CAPN1: variants seen among roughly 807,000 people sequenced by gnomAD.
CAPN1 encodes calpain 1.
In CAPN1, 77 loss-of-function variants were observed where a neutral mutation model predicts 105.2. The observed-to-expected ratio is 0.73, with a 90% CI of 0.61 to 0.88. The LOEUF (loss-of-function observed/expected upper bound fraction) is 0.88, where lower values mean the gene tolerates loss of function less well. Ranked by LOEUF, CAPN1 falls within the 40% of genes least tolerant of loss-of-function variation. CAPN1 has a pLI of 0.00. For synonymous variants in CAPN1, 355 were observed against 388.8 expected (o/e 0.91, Z 1.02); for missense variants, 833 against 976.6 (o/e 0.85, Z 1.96).
Position 65,209,301 on chromosome 11 carries a change from T to A in CAPN1, c.1730-22T>A. On this transcript the variant is annotated intron_variant, in intron 16 of 21. Transcript: ENST00000279247. The surrounding 1 kb of genome is among the most constrained non-coding windows in gnomAD (Gnocchi z 4.1). ...GCAGGAAGCTCACTAGGTGGAGATG[T>A]TGGAATTGGTTTTTCTTGCAGACAA... 1 of 1,609,470 alleles carries A rather than the reference T, an allele frequency of 6.2e-7. No individual in the cohort carries two copies. The highest frequency in any genetic ancestry group is 8.5e-7 in the Non-Finnish European group (1 of 1,176,976).
At chr11:65,200,932 CTTTTTTTTTTTT>C (rs56897147) in intron 10 of CAPN1, among the ~76,000 whole-genome samples, 10 of 49,454 alleles carry the variant, frequency 2.0e-4, no homozygotes, top group Admixed American at 2.9e-4. Flanking sequence ...CCATGCCTGG[CTTTTTTTTTTTT>C]TTTTTTTTTT....
chr11:65,204,762 A>C lies in CAPN1; in HGVS notation c.1245A>C (p.Ser415=). The C allele has an allele frequency of 6.2e-7, 1 of 1,613,146 alleles. No individual in the cohort carries two copies. The highest frequency in any genetic ancestry group is 8.5e-7 in the Non-Finnish European group (1 of 1,179,864). ...DDPDDYGDRE[S]GCSFVLALMQ... ...CGGACGACTACGGGGACCGCGAGTC[A>C]GGCTGCAGCTTCGTGCTCGCCCTTA... Residue 415 remains serine (S), a synonymous_variant, in exon 11 of 22, where the codon TCA becomes TCC. Transcript: ENST00000279247.
chr11:65,200,994 G>T lies in CAPN1; in HGVS notation c.1166-3689G>T, dbSNP rs190706233. Among the ~76,000 whole-genome samples, 629 of 137,464 alleles carry T rather than the reference G, an allele frequency of 4.6e-3. 6 individuals carry two copies. Among genetic ancestry groups the T allele is most frequent in the African/African-American group, 0.017 (606 of 35,910 alleles). The allele number at this position is 137,464 out of a possible 152,430, so 90.2% of individuals were successfully genotyped here. A position where few individuals can be genotyped will look rare whatever the true frequency, so the allele number is the denominator to read the frequency against. ...GAGTCTGGCTCTGTCACCCAGGCTG[G>T]AGTGCAGTGGCGCAATCTCAGCTCA... On this transcript the variant is annotated intron_variant, in intron 10 of 21. Transcript: ENST00000279247.
intron 10 of CAPN1, among the ~76,000 whole-genome samples, chr11:65,200,438 A>G (rs1326673661): frequency 2.0e-5 from 3 of 151,744 alleles, no homozygotes; most frequent in African/African-American, 7.3e-5. Context: ...TCTGCTCCCC[A>G]GGTTTAAGCA....
At position 65,188,543 on chromosome 11, in the gene CAPN1, T is replaced by G. The variant is rs1948672513; in HGVS notation, c.1005-43T>G. On this transcript the variant is annotated intron_variant, in intron 9 of 21. Coordinates refer to ENST00000279247, the MANE Select transcript of CAPN1 (RefSeq NM_005186.4). This position sits in a 1 kb window ranked among gnomAD's most constrained non-coding sequence, Gnocchi z 5.5. ...TCTCCACCCCTACACATCAGCTCTGTGCCCTGACGGGCTGTGCCTCACCTG... is the reference window on the plus strand; with the variant it reads ...TCTCCACCCCTACACATCAGCTCTGGGCCCTGACGGGCTGTGCCTCACCTG... 1 of 1,613,462 alleles carries G rather than the reference T, an allele frequency of 6.2e-7. No homozygotes were observed. Among genetic ancestry groups the G allele is most frequent in the African/African-American group, 1.3e-5 (1 of 75,048 alleles).
rs958269565 is a variant in CAPN1, at chr11:65,183,263, A to G, written c.337+66A>G. 9.7e-5 allele frequency: 142 copies of G among 1,467,296 alleles called. 1 individual carries two copies. The Middle Eastern group carries it at 1.0e-3, about 11-fold the overall frequency. The allele number at this position is 1,467,296 out of a possible 1,614,324, so 90.9% of individuals were successfully genotyped here. On this transcript the variant is annotated intron_variant, in intron 3 of 21. Coordinates refer to ENST00000279247, the MANE Select transcript of CAPN1 (RefSeq NM_005186.4). The stretch of plus-strand genomic sequence containing the variant: ...AGTAGTTCCCCATTCCCGCTCCTTC[A>G]GGCTCTGCCCCAACCCCTCCCTCTT...
At chr11:65,198,386 T>C (rs1590858845) in intron 10 of CAPN1, among the ~76,000 whole-genome samples, 1 of 152,080 alleles carries the variant, frequency 6.6e-6, no homozygotes, top group Admixed American at 6.6e-5. Context: ...GCTCAAGCCA[T>C]CCACCTGCCT....
intron 10 of CAPN1, among the ~76,000 whole-genome samples, chr11:65,195,322 C>A (rs956289664): frequency 6.6e-6 from 1 of 151,974 alleles, no homozygotes; most frequent in Non-Finnish European, 1.5e-5. Context: ...ACCCTTCAGA[C>A]CAGCCGTGTT....
chr11:65,186,396 C>T (rs1948634565), intron 6 of CAPN1, 58 bp downstream of exon 6: 1 of 1,487,202 alleles, frequency 6.7e-7, no homozygotes, highest in African/African-American at 1.4e-5. Flanking sequence ...CCTGACCTGT[C>T]ACATTTTCTA....
At position 65,204,748 on chromosome 11, in the gene CAPN1, G is replaced by A; in HGVS notation, c.1231G>A (p.Gly411Arg). ...TGAGACGGATGACCCGGACGACTAC[G>A]GGGACCGCGAGTCAGGCTGCAGCTT... ...LDETDDPDDYGDRESGCSFVL... is the reference protein window; with the variant it reads ...LDETDDPDDYRDRESGCSFVL... Residue 411 changes from glycine to arginine, a missense_variant, in exon 11 of 22, where the codon GGG becomes AGG. Coordinates refer to ENST00000279247, the MANE Select transcript of CAPN1 (RefSeq NM_005186.4). The A allele has an allele frequency of 6.2e-7, 1 of 1,613,132 alleles. No homozygotes were observed. The highest frequency in any genetic ancestry group is 8.5e-7 in the Non-Finnish European group (1 of 1,179,838).
chr11:65,200,055 T>G (rs1446548536), intron 10 of CAPN1, among the ~76,000 whole-genome samples: 1 of 152,188 alleles, frequency 6.6e-6, no homozygotes, highest in Non-Finnish European at 1.5e-5. Context: ...TCGTTCTTTT[T>G]TATTTATTTA....
rs563834232 is a variant in CAPN1, at chr11:65,188,711, G to T, written c.1130G>T (p.Arg377Leu). ...NTTLYEGTWR[R>L]GSTAGGCRNY... ...ACACTCTACGAAGGCACCTGGCGGC[G>T]GGGGAGCACCGCGGGGGGCTGCCGA... Residue 377 changes from arginine to leucine, a missense_variant, in exon 10 of 22, where the codon CGG becomes CTG. Arg to Leu is a moderately radical substitution (Grantham distance 102, BLOSUM62 -2). Coordinates refer to ENST00000279247, the MANE Select transcript of CAPN1 (RefSeq NM_005186.4). This position sits in a 1 kb window ranked among gnomAD's most constrained non-coding sequence, Gnocchi z 5.5. 1 of 1,601,020 alleles carries T rather than the reference G, an allele frequency of 6.2e-7. No individual in the cohort carries two copies.
chr11:65,184,138 C>T (rs1948595844), intron 4 of CAPN1, among the ~76,000 whole-genome samples: 1 of 152,178 alleles, frequency 6.6e-6, no homozygotes, highest in African/African-American at 2.4e-5. Context: ...GGGACATGCC[C>T]AGCAACCCTG....
intron 10 of CAPN1, among the ~76,000 whole-genome samples, chr11:65,201,821 GTTTTTGTT>G (rs1948875550): frequency 8.4e-6 from 1 of 118,678 alleles, no homozygotes; most frequent in Non-Finnish European, 1.9e-5. Flanking sequence ...CCCGGCTTTT[GTTTTTGTT>G]TTTTTTTTTT....
intron 10 of CAPN1, 109 bp from the exon 11 acceptor site, chr11:65,204,574 T>C: frequency 4.0e-6 from 4 of 994,886 alleles, no homozygotes; most frequent in Non-Finnish European, 6.0e-6. Flanking sequence ...TGCTCAATAA[T>C]ATTTGTTGAA....
At chr11:65,199,779 G>C (rs1948841134) in intron 10 of CAPN1, among the ~76,000 whole-genome samples, 1 of 152,092 alleles carries the variant, frequency 6.6e-6, no homozygotes, top group African/African-American at 2.4e-5. Flanking sequence ...TTTCAAATCT[G>C]TTCATTTTTG....
In CAPN1 at chr11:65,188,620, C is replaced by A; in HGVS notation, c.1039C>A (p.Arg347Ser). Residue 347 changes from arginine (R) to serine (S), a missense_variant, in exon 10 of 22, where the codon CGC becomes AGC. Physicochemically the swap from Arg to Ser is moderately radical, Grantham distance 110. Coordinates refer to ENST00000279247, the MANE Select transcript of CAPN1 (RefSeq NM_005186.4). The surrounding 1 kb of genome is among the most constrained non-coding windows in gnomAD (Gnocchi z 5.5). ...CCGAGACTTCATGCGGGAGTTCACC[C>A]GCCTGGAGATCTGCAACCTCACACC... ...SFRDFMREFT[R>S]LEICNLTPDA... The A allele has an allele frequency of 6.2e-7, 1 of 1,613,946 alleles. No homozygotes were observed.
At chr11:65,181,453 G>T, upstream of CAPN1, 1 of 232,966 alleles carries the variant, frequency 4.3e-6, no homozygotes, top group Non-Finnish European at 8.6e-6. This position sits in a 1 kb window ranked among gnomAD's most constrained non-coding sequence, Gnocchi z 4.6. Flanking sequence ...AACGGCGGGA[G>T]CAGCTGCGGT....
chr11:65,211,579 T>G lies in CAPN1; in HGVS notation c.*293T>G, dbSNP rs1949050433. 2 of 550,592 alleles carry G rather than the reference T, an allele frequency of 3.6e-6. No individual in the cohort carries two copies. Among genetic ancestry groups the G allele is most frequent in the Non-Finnish European group, 6.6e-6 (2 of 304,442 alleles). The allele number at this position is 550,592 out of a possible 1,614,324, so 34.1% of individuals were successfully genotyped here. On this transcript the variant is annotated 3_prime_UTR_variant, in exon 22 of 22. Transcript: ENST00000279247. Reference sequence around the variant, plus strand: ...GTTCCTGCCTCGGGACAGCCCCGGGTTTCCCCAGCATCCTGATGTGTCCCC... The same window carrying G: ...GTTCCTGCCTCGGGACAGCCCCGGGGTTCCCCAGCATCCTGATGTGTCCCC...
Sources: gnomAD v4.1 joint callset for allele counts (sites outside exome capture counted in the v4.1 genomes callset) on GRCh38, gnomAD v4.1.1 for gene constraint, Gnocchi (gnomAD v3.1) non-coding constraint, MANE v1.5 for transcripts, NCBI Gene and HGNC (gene_info 2026-07-23, HGNC 2026-07-21) for gene names.